The following SVIL variants were observed in gnomAD, a reference collection of about 807,000 sequenced individuals.
The protein encoded by SVIL is supervillin.
In SVIL, 101 loss-of-function variants were observed where a neutral mutation model predicts 240.4. The observed-to-expected ratio is 0.42, with a 90% CI of 0.36 to 0.50. SVIL has a LOEUF of 0.50. SVIL is among the 20% of genes least tolerant of loss of function. The pLI is 0.01. For synonymous variants in SVIL, 999 were observed against 1,100.0 expected, an observed-to-expected ratio of 0.91 and a Z score of 1.82; for missense variants, 2,512 against 2,818.7, an observed-to-expected ratio of 0.89 and a Z score of 2.46.
intron 7 of SVIL, 113 bp downstream of exon 7, chr10:29,535,876 A>C: frequency 3.9e-6 from 4 of 1,032,898 alleles, no homozygotes; most frequent in Non-Finnish European, 5.9e-6. Context: ...GTGATTTTCA[A>C]GTGCACTGGT....
At chr10:29,566,638 C>G (rs949122762) in intron 2 of SVIL, among the ~76,000 whole-genome samples, 1 of 152,196 alleles carries the variant, frequency 6.6e-6, no homozygotes, top group East Asian at 1.9e-4. Context: ...AAATTCAGGA[C>G]GGTTCATCAG....
intron 6 of SVIL, among the ~76,000 whole-genome samples, chr10:29,544,416 T>C (rs1005896702): frequency 6.6e-6 from 1 of 152,126 alleles, no homozygotes; most frequent in African/African-American, 2.4e-5. Flanking sequence ...CTAGTGTACA[T>C]AGTAGCTAGG....
At chr10:29,550,530 C>G (rs1448964619) in intron 6 of SVIL, 67 bp downstream of exon 6, 2 of 1,463,560 alleles carry the variant, frequency 1.4e-6, no homozygotes, top group Non-Finnish European at 1.8e-6. Flanking sequence ...CAAACCCTAT[C>G]ACACAGAGAG....
chr10:29,721,336 A>G (rs1963967326), intron 1 of SVIL, among the ~76,000 whole-genome samples: 1 of 152,202 alleles, frequency 6.6e-6, no homozygotes, highest in South Asian at 2.1e-4. Context: ...CATAGAACAC[A>G]TACAGTAAGA....
chr10:29,531,674 T>C (rs113663335), intron 9 of SVIL, among the ~76,000 whole-genome samples: 141 of 152,338 alleles, frequency 9.3e-4, no homozygotes, highest in African/African-American at 3.3e-3. Flanking sequence ...TTATTTTCAC[T>C]GTAAAATCTG....
intron 18 of SVIL, among the ~76,000 whole-genome samples, chr10:29,497,385 G>A (rs1356768344): frequency 6.6e-6 from 1 of 152,218 alleles, no homozygotes; most frequent in African/African-American, 2.4e-5. Flanking sequence ...GTGATGGTAT[G>A]TGCATATAGG....
intron 1 of SVIL, among the ~76,000 whole-genome samples, chr10:29,696,978 C>A (rs1328380383): frequency 7.2e-6 from 1 of 138,954 alleles, no homozygotes; most frequent in African/African-American, 2.7e-5. Context: ...GGGGGTCAGC[C>A]CCTCGCCCAG....
intron 13 of SVIL, among the ~76,000 whole-genome samples, chr10:29,526,547 C>G (rs1950933309): frequency 6.6e-6 from 1 of 152,166 alleles, no homozygotes; most frequent in South Asian, 2.1e-4. Context: ...TCGTGATCCA[C>G]CTGCCTTGGC....
At chr10:29,596,759 T>C (rs776615226) in intron 1 of SVIL, among the ~76,000 whole-genome samples, 45 of 152,348 alleles carry the variant, frequency 3.0e-4, no homozygotes, top group Admixed American at 7.2e-4. Context: ...CACTATACTG[T>C]CCATTTGTAC....
At chr10:29,574,517 G>C (rs1269724250) in intron 1 of SVIL, among the ~76,000 whole-genome samples, 1 of 152,212 alleles carries the variant, frequency 6.6e-6, no homozygotes, top group Non-Finnish European at 1.5e-5. Flanking sequence ...TCAGGCCCTG[G>C]TGGACCCTGG....
chr10:29,521,759 C>T (rs1950574601), intron 16 of SVIL, among the ~76,000 whole-genome samples: 1 of 152,162 alleles, frequency 6.6e-6, no homozygotes, highest in Non-Finnish European at 1.5e-5. Flanking sequence ...TTCTCTGTAT[C>T]TGTCTAATTT....
intron 1 of SVIL, among the ~76,000 whole-genome samples, chr10:29,689,370 C>T (rs988161309): frequency 5.3e-5 from 8 of 152,118 alleles, no homozygotes; most frequent in Non-Finnish European, 7.3e-5. Context: ...CTGCAACCTC[C>T]GCCTCCCGGG....
intron 22 of SVIL, 131 bp downstream of exon 22, chr10:29,490,716 T>A (rs1312256613): frequency 9.0e-7 from 1 of 1,107,636 alleles, no homozygotes; most frequent in Non-Finnish European, 1.3e-6. Flanking sequence ...GCAAACTTAC[T>A]CCTTTTTACT....
chr10:29,630,164 A>C (rs998233929), intron 1 of SVIL, among the ~76,000 whole-genome samples: 2 of 152,118 alleles, frequency 1.3e-5, no homozygotes, highest in Non-Finnish European at 2.9e-5. Context: ...GGAATACGCT[A>C]TAGGCTTCTG....
intron 2 of SVIL, among the ~76,000 whole-genome samples, chr10:29,667,581 G>A (rs933424880): frequency 2.6e-5 from 4 of 152,162 alleles, no homozygotes; most frequent in African/African-American, 9.7e-5. Flanking sequence ...GCCAGGTGTA[G>A]TGGCTCACAC....
At chr10:29,724,181 C>CTTTTTT (rs386371080) in intron 1 of SVIL, among the ~76,000 whole-genome samples, 1 of 144,520 alleles carries the variant, frequency 6.9e-6, no homozygotes. Flanking sequence ...TGTTTTCTCT[C>CTTTTTT]TTTTTTTTTT....
At chr10:29,514,227 TA>T (rs1175391160) in intron 16 of SVIL, among the ~76,000 whole-genome samples, 1 of 152,174 alleles carries the variant, frequency 6.6e-6, no homozygotes, top group African/African-American at 2.4e-5. Flanking sequence ...AATCCATAAA[TA>T]TTTTTTATTG....
intron 3 of SVIL, among the ~76,000 whole-genome samples, chr10:29,657,376 A>G (rs1321526506): frequency 6.6e-6 from 1 of 152,134 alleles, no homozygotes; most frequent in Non-Finnish European, 1.5e-5. Flanking sequence ...AAGATTCACA[A>G]AGCTCATTAG....
chr10:29,676,191 C>T (rs1242450694), intron 2 of SVIL, among the ~76,000 whole-genome samples: 1 of 152,206 alleles, frequency 6.6e-6, no homozygotes, highest in Admixed American at 6.5e-5. Context: ...CCCATCTCCT[C>T]ACCTGCAGCA....
Sources: allele counts gnomAD v4.1 joint callset (sites outside exome capture counted in the v4.1 genomes callset), GRCh38; gene constraint gnomAD v4.1.1; transcripts MANE v1.5; gene names NCBI Gene and HGNC (gene_info 2026-07-23, HGNC 2026-07-21).